MYLK: variants seen among roughly 807,000 people sequenced by gnomAD.
The protein encoded by MYLK is myosin light chain kinase, smooth muscle.
A neutral mutation model predicts 203.4 loss-of-function variants in MYLK; 106 were observed. The ratio of observed to expected loss-of-function variants is 0.52; its 90% CI spans 0.45 to 0.61. The LOEUF (loss-of-function observed/expected upper bound fraction) is 0.61. Among genes scored for constraint, MYLK ranks in the 20% least tolerant of loss-of-function variants. The pLI, the probability that MYLK is intolerant of heterozygous loss-of-function variation, is 0.00. For synonymous variants in MYLK, 867 were observed against 959.5 expected (o/e 0.90, Z 1.78); for missense variants, 2,072 against 2,442.3 (o/e 0.85, Z 3.20).
intron 24 of MYLK, among the ~76,000 whole-genome samples, chr3:123,653,192 C>G (rs996139025): frequency 6.6e-6 from 1 of 152,096 alleles, no homozygotes; most frequent in African/African-American, 2.4e-5. Context: ...ATCTGCTCCA[C>G]AGAAATGACC....
rs555101909 is a variant in MYLK at position 123,629,475 on chromosome 3, T to G, written c.5113A>C (p.Lys1705Gln). 1 of 1,614,138 alleles carries G rather than the reference T, an allele frequency of 6.2e-7. No individual in the cohort carries two copies. Among genetic ancestry groups the G allele is most frequent in the South Asian group, 1.1e-5 (1 of 91,076 alleles). ...AAGACTGAAATCCCAACTCATTACT[T>G]CATATCTTTCTTCAGCAGATTGCTG... is the stretch of plus-strand genomic sequence containing the variant. ...FISNLLKKDM[K>Q]NRLDCTQCLQ... Residue 1705 changes from lysine to glutamine, a missense_variant and splice_region_variant, in exon 30 of 34, where the codon AAA (lysine) becomes CAA (glutamine). Physicochemically the swap from Lys to Gln is moderately conservative, Grantham distance 53. This residue lies in a region of MYLK where 524 missense variants were observed against 782.4 expected (regional missense o/e 0.67). Coordinates refer to ENST00000360304, the MANE Select transcript of MYLK (RefSeq NM_053025.4). This position sits in a 1 kb window ranked among gnomAD's most constrained non-coding sequence, Gnocchi z 4.4.
chr3:123,798,835 C>A, intron 3 of MYLK, among the ~76,000 whole-genome samples: 1 of 152,144 alleles, frequency 6.6e-6, no homozygotes, highest in East Asian at 1.9e-4. Context: ...ATAAACAGAT[C>A]TCTGCCACAC....
chr3:123,853,014 G>C lies in MYLK; in HGVS notation c.-126-21344C>G, dbSNP rs79130109. On this transcript the variant is annotated intron_variant, in intron 2 of 33. Transcript: ENST00000360304. Reference sequence around the variant, plus strand: ...TTGGGTTGTATGACCATTTGTTAAGGCCTCTGAAGGATTTAAGAAAGTGCC... The same window carrying C: ...TTGGGTTGTATGACCATTTGTTAAGCCCTCTGAAGGATTTAAGAAAGTGCC... Among the ~76,000 whole-genome samples the C allele has an allele frequency of 6.5e-3, 996 of 152,122 alleles. 9 individuals are homozygous for C. Among genetic ancestry groups the C allele is most frequent in the African/African-American group, 0.02 (840 of 41,486 alleles).
intron 16 of MYLK, among the ~76,000 whole-genome samples, chr3:123,705,552 A>C (rs1193995683): frequency 4.6e-5 from 7 of 152,208 alleles, no homozygotes; most frequent in African/African-American, 1.7e-4. Context: ...CTGAGACCTC[A>C]GTGTCCCCCG....
At chr3:123,764,607 C>A (rs369538382) in intron 4 of MYLK, among the ~76,000 whole-genome samples, 30 of 152,286 alleles carry the variant, frequency 2.0e-4, no homozygotes, top group African/African-American at 6.7e-4. Flanking sequence ...CTTTTGAGTA[C>A]AACGCTTTGC....
chr3:123,658,329 G>A (rs1345213122), intron 23 of MYLK, among the ~76,000 whole-genome samples: 1 of 152,170 alleles, frequency 6.6e-6, no homozygotes, highest in Non-Finnish European at 1.5e-5. Flanking sequence ...TCATTCAGAT[G>A]ACCTGGCCTC....
intron 14 of MYLK, chr3:123,709,133 A>AG: frequency 9.3e-6 from 3 of 323,248 alleles, no homozygotes; most frequent in Non-Finnish European, 1.7e-5. Context: ...GTTCTCACAT[A>AG]ATTTTTTTTT....
intron 2 of MYLK, among the ~76,000 whole-genome samples, chr3:123,843,353 CTG>C (rs1232717929): frequency 6.6e-6 from 1 of 152,178 alleles, no homozygotes; most frequent in Non-Finnish European, 1.5e-5. Context: ...TCTCACAGGT[CTG>C]TCTGGTTGTA....
At chr3:123,868,629 G>T (rs1052010178) in intron 2 of MYLK, among the ~76,000 whole-genome samples, 1 of 152,172 alleles carries the variant, frequency 6.6e-6, no homozygotes, top group African/African-American at 2.4e-5. Context: ...CCTGTGCTTA[G>T]TTTGACTTTA....
At chr3:123,695,375 G>A (rs1392763983) in intron 18 of MYLK, among the ~76,000 whole-genome samples, 1 of 152,240 alleles carries the variant, frequency 6.6e-6, no homozygotes, top group East Asian at 1.9e-4. Flanking sequence ...TCAGAGGGCA[G>A]TGACCCTGTC....
At chr3:123,737,242 T>A in intron 8 of MYLK, 136 bp downstream of exon 8, 5 of 942,356 alleles carry the variant, frequency 5.3e-6, no homozygotes, top group Admixed American at 2.5e-5. Flanking sequence ...AAAAAAGACC[T>A]GCCCCTGGGG....
intron 28 of MYLK, chr3:123,638,809 G>C: frequency 3.0e-6 from 3 of 985,434 alleles, no homozygotes; most frequent in Non-Finnish European, 3.6e-6. Flanking sequence ...GGGTAGTCGG[G>C]AGAGGCTTCA....
At chr3:123,805,408 G>T (rs1002467310) in intron 3 of MYLK, among the ~76,000 whole-genome samples, 1 of 152,176 alleles carries the variant, frequency 6.6e-6, no homozygotes, top group African/African-American at 2.4e-5. Context: ...GAAGTGAGGA[G>T]GGAGCCGAGA....
At chr3:123,672,547 G>A (rs529424754) in intron 20 of MYLK, among the ~76,000 whole-genome samples, 1 of 152,336 alleles carries the variant, frequency 6.6e-6, no homozygotes, top group Non-Finnish European at 1.5e-5. Flanking sequence ...TCCCTGGGGT[G>A]ATGAGCTAGG....
chr3:123,863,872 CAT>C (rs2148695143), intron 2 of MYLK, among the ~76,000 whole-genome samples: 1 of 152,234 alleles, frequency 6.6e-6, no homozygotes, highest in South Asian at 2.1e-4. Context: ...GAAATGAAAA[CAT>C]ATGTCTACCC....
chr3:123,834,295 C>T (rs2682209), intron 2 of MYLK, among the ~76,000 whole-genome samples: 127,090 of 152,150 alleles, frequency 0.84, 53,243 homozygotes, highest in East Asian at 0.96. Flanking sequence ...ATCCACATGC[C>T]TCGGCCTCCC....
At chr3:123,637,917 G>A (rs1231573398) in intron 29 of MYLK, among the ~76,000 whole-genome samples, 154 bp downstream of exon 29, 6 of 152,146 alleles carry the variant, frequency 3.9e-5, no homozygotes, top group African/African-American at 1.4e-4. Context: ...GGCTGCCAGG[G>A]ATAGGAGGGG....
intron 2 of MYLK, among the ~76,000 whole-genome samples, chr3:123,868,261 G>C (rs1316074301): frequency 1.3e-5 from 2 of 152,036 alleles, no homozygotes; most frequent in Non-Finnish European, 2.9e-5. Context: ...CAAAAAAAGA[G>C]GATCGTATCT....
intron 18 of MYLK, among the ~76,000 whole-genome samples, 189 bp downstream of exon 18, chr3:123,699,831 G>A (rs1042647174): frequency 2.4e-4 from 37 of 152,300 alleles, no homozygotes; most frequent in Middle Eastern, 3.4e-3. Flanking sequence ...CCCCTGAGCC[G>A]GGACCTATCC....
Sources: allele counts gnomAD v4.1 joint callset (sites outside exome capture counted in the v4.1 genomes callset), GRCh38; gene constraint gnomAD v4.1.1; regional missense constraint gnomAD v4.1.1; non-coding constraint Gnocchi (gnomAD v3.1); transcripts MANE v1.5; gene names NCBI Gene and HGNC (gene_info 2026-07-23, HGNC 2026-07-21).